GSTK1: variants seen among roughly 807,000 people sequenced by gnomAD.
The protein encoded by GSTK1 is glutathione S-transferase kappa 1.
Under a neutral mutation model 30.9 loss-of-function variants are expected in GSTK1, and 25 were observed. That is an observed-to-expected ratio of 0.81 (90% CI 0.59 to 1.13). The LOEUF (loss-of-function observed/expected upper bound fraction) is 1.13, where lower values mean the gene tolerates loss of function less well. Ranked by LOEUF, GSTK1 falls within the 50% of genes most tolerant of loss-of-function variation. The pLI, the probability that GSTK1 is intolerant of heterozygous loss-of-function variation, is 0.00. For synonymous variants in GSTK1, 108 were observed against 112.5 expected, an observed-to-expected ratio of 0.96 and a Z score of 0.25; for missense variants, 292 against 292.4, an observed-to-expected ratio of 1.00 and a Z score of 0.01.
At chr7:143,263,860 G>T in intron 1 of GSTK1, 1 of 603,492 alleles carries the variant, frequency 1.7e-6, no homozygotes, top group Non-Finnish European at 2.9e-6. Flanking sequence ...GCAGAACACG[G>T]CCACCTCTTA....
rs11296238 is a variant in GSTK1, at chr7:143,266,023, C to CTTTTTT, written c.420+747_420+752dup. Among the ~76,000 whole-genome samples the CTTTTTT allele has an allele frequency of 7.9e-4, 55 of 69,274 alleles. 1 individual carries two copies. The highest frequency in any genetic ancestry group is 1.1e-3 in the Non-Finnish European group (43 of 38,468). 45.4% of individuals were successfully genotyped at this position (69,274 alleles called of 152,430 possible). On this transcript the variant is annotated intron_variant, in intron 5 of 7. Transcript: ENST00000358406. ...ACTTCATATTTAATCATTTTCCATGCTTTTTTTTTTTTTTTTTTTTTTTTT... is the reference window on the plus strand; with the variant it reads ...ACTTCATATTTAATCATTTTCCATGCTTTTTTTTTTTTTTTTTTTTTTTTTTTTTTT...
rs763439518 is a variant in GSTK1 at position 143,263,592 on chromosome 7, C to A, written c.72+7C>A. 6.2e-7 allele frequency: 1 copy of A among 1,607,398 alleles called. No individual in the cohort carries two copies. Among genetic ancestry groups the A allele is most frequent in the Non-Finnish European group, 8.5e-7 (1 of 1,179,562 alleles). Reference sequence around the variant, plus strand: ...CTCCTGGCTGGGCTTCGAGGTGACGCTGGGAGGGGTCGCCTCGGCAGTGTC... The same window carrying A: ...CTCCTGGCTGGGCTTCGAGGTGACGATGGGAGGGGTCGCCTCGGCAGTGTC... On this transcript the variant is annotated splice_region_variant and intron_variant, in intron 1 of 7. Transcript: ENST00000358406.
intron 1 of GSTK1, 168 bp from the exon 2 acceptor site, chr7:143,263,917 TC>T: frequency 1.6e-6 from 1 of 640,560 alleles, no homozygotes; most frequent in East Asian, 2.8e-5. Flanking sequence ...GGAGCGAAGA[TC>T]CTGGAATAGA....
intron 5 of GSTK1, among the ~76,000 whole-genome samples, chr7:143,267,197 T>C (rs904608959): frequency 6.6e-6 from 1 of 152,156 alleles, no homozygotes. Context: ...CATGAGATAC[T>C]TAGGAACTGT....
intron 5 of GSTK1, among the ~76,000 whole-genome samples, chr7:143,265,729 C>T (rs148565753): frequency 0.012 from 1,867 of 152,154 alleles, 14 homozygotes; most frequent in Non-Finnish European, 0.019. Flanking sequence ...TATATAGGAG[C>T]CTGAGTGAGA....
intron 5 of GSTK1, among the ~76,000 whole-genome samples, chr7:143,266,566 G>T (rs1800883926): frequency 6.6e-6 from 1 of 150,710 alleles, no homozygotes; most frequent in South Asian, 2.1e-4. Context: ...TCTTGGCTGT[G>T]AATTAAAATC....
Position 143,269,099 on chromosome 7 carries a change from T to C in GSTK1, c.*262T>C, listed in dbSNP as rs1800966175. 5 of 512,836 alleles carry C rather than the reference T, an allele frequency of 9.7e-6. No individual in the cohort carries two copies. The South Asian group carries it at 1.0e-4, about 11-fold the overall frequency. 31.8% of individuals were successfully genotyped at this position (512,836 alleles called of 1,614,324 possible). ...CTGCTTTCCCACAAAATAAACCTAA[T>C]GCCATCAGGCAAAACATTTCTGTGT... On this transcript the variant is annotated 3_prime_UTR_variant, in exon 8 of 8. Transcript: ENST00000358406.
intron 1 of GSTK1, 45 bp downstream of exon 1, chr7:143,263,630 G>C (rs1800776832): frequency 1.3e-6 from 2 of 1,560,958 alleles, no homozygotes. Flanking sequence ...GGGAGTGAGG[G>C]CGGAGGGAAG....
Position 143,263,752 on chromosome 7 carries a change from G to C in GSTK1, c.72+167G>C, listed in dbSNP as rs537543613. On this transcript the variant is annotated intron_variant, in intron 1 of 7. Transcript: ENST00000358406. ...TGAAGGTCACTTTGTGCTTTTAAACGGAATAGAGTCGCTGGCTCCAACCCG... is the reference window on the plus strand; with the variant it reads ...TGAAGGTCACTTTGTGCTTTTAAACCGAATAGAGTCGCTGGCTCCAACCCG... 4 of 642,254 alleles carry C rather than the reference G, an allele frequency of 6.2e-6. No individual in the cohort carries two copies. The Admixed American group carries it at 1.2e-4, about 19-fold the overall frequency. The allele number at this position is 642,254 out of a possible 1,614,324, so 39.8% of individuals were successfully genotyped here.
At chr7:143,265,226 C>G in intron 4 of GSTK1, 35 bp from the exon 5 acceptor site, 1 of 1,604,880 alleles carries the variant, frequency 6.2e-7, no homozygotes, top group East Asian at 2.3e-5. Flanking sequence ...CCCCTCTCCC[C>G]GCACCGCCTT....
chr7:143,269,061 G>C lies in GSTK1; in HGVS notation c.*224G>C. ...TTCTATGCCTCACAAGTGCCTTTCA[G>C]AGAGCCCCAATTCTGCTTTCCCACA... On this transcript the variant is annotated 3_prime_UTR_variant, in exon 8 of 8. Transcript: ENST00000358406. 1.7e-6 allele frequency: 1 copy of C among 575,692 alleles called. No individual in the cohort carries two copies. The highest frequency in any genetic ancestry group is 3.1e-6 in the Non-Finnish European group (1 of 322,054). 35.7% of individuals were successfully genotyped at this position (575,692 alleles called of 1,614,324 possible). A position where few individuals can be genotyped will look rare whatever the true frequency, so the allele number is the denominator to read the frequency against.
chr7:143,265,344 A>G (rs1313754568), intron 5 of GSTK1, 48 bp downstream of exon 5: 7 of 1,493,742 alleles, frequency 4.7e-6, no homozygotes, highest in South Asian at 2.6e-5. Flanking sequence ...GAATCTGAGA[A>G]CAGTTGGCGT....
chr7:143,264,442 G>C, intron 2 of GSTK1, 106 bp from the exon 3 acceptor site: 1 of 1,179,140 alleles, frequency 8.5e-7, no homozygotes, highest in South Asian at 1.4e-5. Context: ...GAAACAACAA[G>C]AGAAAAAAAA....
In GSTK1 at chr7:143,269,089, A is replaced by G. The variant is rs1800966073; in HGVS notation, c.*252A>G. 1.9e-6 allele frequency: 1 copy of G among 535,394 alleles called. No homozygotes were observed. The highest frequency in any genetic ancestry group is 3.4e-6 in the Non-Finnish European group (1 of 297,166). 33.2% of individuals were successfully genotyped at this position (535,394 alleles called of 1,614,324 possible). ...AGCCCCAATTCTGCTTTCCCACAAA[A>G]TAAACCTAATGCCATCAGGCAAAAC... On this transcript the variant is annotated 3_prime_UTR_variant, in exon 8 of 8. Coordinates refer to ENST00000358406, the MANE Select transcript of GSTK1 (RefSeq NM_015917.3).
chr7:143,265,042 G>A lies in GSTK1; in HGVS notation c.334G>A (p.Glu112Lys), dbSNP rs769906717. ...CACCGCCGTGAACTTGGAGCATCCA[G>A]AGATGCTGGAGAAAGCGTCCCGGGA... ...FLTAVNLEHPEMLEKASRELW... is the reference protein window; with the variant it reads ...FLTAVNLEHPKMLEKASRELW... Residue 112 changes from glutamate (E) to lysine (K), a missense_variant, in exon 4 of 8, where the codon GAG becomes AAG. Glu to Lys is a moderately conservative substitution (Grantham distance 56, BLOSUM62 1). Transcript: ENST00000358406. 6.2e-7 allele frequency: 1 copy of A among 1,614,190 alleles called. No individual in the cohort carries two copies. Among genetic ancestry groups the A allele is most frequent in the Non-Finnish European group, 8.5e-7 (1 of 1,180,036 alleles).
chr7:143,265,264 G>A lies in GSTK1; in HGVS notation c.388G>A (p.Glu130Lys). 1 of 1,604,922 alleles carries A rather than the reference G, an allele frequency of 6.2e-7. No individual in the cohort carries two copies. The highest frequency in any genetic ancestry group is 1.1e-5 in the South Asian group (1 of 89,118). Residue 130 changes from glutamate (E) to lysine (K), a missense_variant, in exon 5 of 8, where the codon GAA (glutamate) becomes AAA (lysine). By Grantham distance (56) the Glu-to-Lys change is moderately conservative (BLOSUM62 1). Coordinates refer to ENST00000358406, the MANE Select transcript of GSTK1 (RefSeq NM_015917.3). ...ELWMRVWSRNEDITEPQSILA... is the reference protein window; with the variant it reads ...ELWMRVWSRNKDITEPQSILA... ...TGCTGTCTTCTCTTCTTCCCAGAAT[G>A]AAGACATCACCGAGCCGCAGAGCAT...
Position 143,268,594 on chromosome 7 carries a change from G to A in GSTK1, c.632-194G>A, listed in dbSNP as rs1800949692. 6.6e-6 allele frequency among the ~76,000 whole-genome samples: 1 copy of A among 152,180 alleles called. No individual in the cohort carries two copies. The highest frequency in any genetic ancestry group is 2.4e-5 in the African/African-American group (1 of 41,432). ...TATTCTTGGCACTTCCAGTAACAAAGCGTTATGCAGTCAGTGCTGTTCAAG... is the reference window on the plus strand; with the variant it reads ...TATTCTTGGCACTTCCAGTAACAAAACGTTATGCAGTCAGTGCTGTTCAAG... On this transcript the variant is annotated intron_variant, in intron 7 of 7. Coordinates refer to ENST00000358406, the MANE Select transcript of GSTK1 (RefSeq NM_015917.3). This position sits in a 1 kb window ranked among gnomAD's most constrained non-coding sequence, Gnocchi z 4.1.
At chr7:143,264,244 C>T (rs778917532) in intron 2 of GSTK1, 77 bp downstream of exon 2, 76 of 1,287,428 alleles carry the variant, frequency 5.9e-5, no homozygotes, top group Non-Finnish European at 8.4e-5. Context: ...TATATTGGCA[C>T]TGGCAGCCAG....
In GSTK1 at chr7:143,268,874, A is replaced by AG; in HGVS notation, c.*38dup. 1 of 1,590,352 alleles carries AG rather than the reference A, an allele frequency of 6.3e-7. No individual in the cohort carries two copies. The highest frequency in any genetic ancestry group is 1.1e-5 in the South Asian group (1 of 90,590). ...GGAAGCAAACTCTTCGTATAAAAAA[A>AG]GCAGGCCATCTGCTTAACCCTTGGC... On this transcript the variant is annotated 3_prime_UTR_variant, in exon 8 of 8. Coordinates refer to ENST00000358406, the MANE Select transcript of GSTK1 (RefSeq NM_015917.3). The surrounding 1 kb of genome is among the most constrained non-coding windows in gnomAD (Gnocchi z 4.1).
Sources: allele counts gnomAD v4.1 joint callset (sites outside exome capture counted in the v4.1 genomes callset), GRCh38; gene constraint gnomAD v4.1.1; non-coding constraint Gnocchi (gnomAD v3.1); transcripts MANE v1.5; gene names NCBI Gene and HGNC (gene_info 2026-07-23, HGNC 2026-07-21).